PCDHGB4: variants seen among roughly 807,000 people sequenced by gnomAD.
The protein encoded by PCDHGB4 is protocadherin gamma subfamily B, 4.
A neutral mutation model predicts 60.5 loss-of-function variants in PCDHGB4; 38 were observed. That is an observed-to-expected ratio of 0.63 (90% confidence interval 0.48 to 0.82). PCDHGB4 has a LOEUF of 0.82. PCDHGB4 is among the 40% of genes least tolerant of loss of function. The pLI is 0.00. For missense variants in PCDHGB4, 1,109 were observed against 1,209.6 expected (o/e 0.92, Z 1.23); for synonymous variants, 456 against 509.7 (o/e 0.89, Z 1.42).
chr5:141,500,574 G>A (rs2099801457), intron 2 of PCDHGB4, among the ~76,000 whole-genome samples: 1 of 152,164 alleles, frequency 6.6e-6, no homozygotes, highest in African/African-American at 2.4e-5. Context: ...ACACTTTCAT[G>A]TGACACTTTA....
chr5:141,430,881 A>G, intron 1 of PCDHGB4: 4 of 1,600,896 alleles, frequency 2.5e-6, no homozygotes, highest in Non-Finnish European at 3.4e-6. Flanking sequence ...GAGCTGGAGA[A>G]AGGCTCTAGG....
In PCDHGB4 at chr5:141,405,165, C is replaced by G. The variant is rs745998723; in HGVS notation, c.2397+14884C>G. 1.9e-6 allele frequency: 3 copies of G among 1,613,978 alleles called. No individual in the cohort carries two copies. In the South Asian group the frequency reaches 3.3e-5, roughly 18 times the overall value. On this transcript the variant is annotated intron_variant, in intron 1 of 3. Transcript: ENST00000519479. Reference sequence around the variant, plus strand: ...GATGGGTTGGCTGGTGTGCCCACCTCACACTTTGTGGGTGTAGATGGGGTT... The same window carrying G: ...GATGGGTTGGCTGGTGTGCCCACCTGACACTTTGTGGGTGTAGATGGGGTT...
In PCDHGB4 at chr5:141,485,985, T is replaced by C. The variant is rs748867624; in HGVS notation, c.2398-8822T>C. 5.6e-6 allele frequency: 9 copies of C among 1,614,086 alleles called. No homozygotes were observed. Among genetic ancestry groups the C allele is most frequent in the South Asian group, 5.5e-5 (5 of 91,094 alleles). On this transcript the variant is annotated intron_variant, in intron 1 of 3. Coordinates refer to ENST00000519479, the MANE Select transcript of PCDHGB4 (RefSeq NM_003736.4). The surrounding 1 kb of genome is among the most constrained non-coding windows in gnomAD (Gnocchi z 5.7). ...CAGCTCAATGCCTCAGACCCGGACC[T>C]GGGTCCCAGTGGTAACGTCACCTTT...
chr5:141,479,651 C>A (rs56818742), intron 1 of PCDHGB4: 43,954 of 152,194 alleles, frequency 0.29, 6,853 homozygotes, highest in African/African-American at 0.41. Flanking sequence ...ACAACAACAA[C>A]AATCCCAGAA....
intron 1 of PCDHGB4, among the ~76,000 whole-genome samples, chr5:141,460,763 T>A (rs904048213): frequency 4.6e-5 from 7 of 152,170 alleles, no homozygotes; most frequent in Admixed American, 1.3e-4. Context: ...ATATACATAT[T>A]GCATATGTAT....
At chr5:141,414,274 G>A (rs762803658) in intron 1 of PCDHGB4, 23 of 1,613,368 alleles carry the variant, frequency 1.4e-5, no homozygotes, top group Non-Finnish European at 1.9e-5. Flanking sequence ...TTCACCTCTG[G>A]GAACAGTCGT....
chr5:141,487,633 T>C lies in PCDHGB4; in HGVS notation c.2398-7174T>C. On this transcript the variant is annotated intron_variant, in intron 1 of 3. Transcript: ENST00000519479. The surrounding 1 kb of genome is among the most constrained non-coding windows in gnomAD (Gnocchi z 5.0). ...GGCTAGAGGTGAGACCTTTGCAGGCTCAACAAATGCTTGAGGGTTATTCTG... is the reference window on the plus strand; with the variant it reads ...GGCTAGAGGTGAGACCTTTGCAGGCCCAACAAATGCTTGAGGGTTATTCTG... 3 of 1,614,164 alleles carry C rather than the reference T, an allele frequency of 1.9e-6. No individual in the cohort carries two copies. The highest frequency in any genetic ancestry group is 2.7e-5 in the African/African-American group (2 of 75,052).
rs1405490200 is a variant in PCDHGB4 at position 141,388,503 on chromosome 5, TC to T, written c.621del (p.Tyr208ThrfsTer3). ...KTPLDREKQK[S>X]YHLTLTALDF... ...ACCTTTGGACAGAGAAAAGCAGAAA[TC>T]CTACCACTTGACTTTGACTGCCTTG... On this transcript the variant is annotated frameshift_variant, in exon 1 of 4. Transcript: ENST00000519479. LOFTEE classifies it high-confidence loss of function. 1 of 1,613,782 alleles carries T rather than the reference TC, an allele frequency of 6.2e-7. No individual in the cohort carries two copies. Among genetic ancestry groups the T allele is most frequent in the Admixed American group, 1.7e-5 (1 of 60,012 alleles).
chr5:141,436,095 GA>G (rs2097795730), intron 1 of PCDHGB4, among the ~76,000 whole-genome samples: 2 of 152,112 alleles, frequency 1.3e-5, no homozygotes, highest in Non-Finnish European at 2.9e-5. Context: ...AATATTGAGA[GA>G]AATAGAGGAC....
rs755270981 is a variant in PCDHGB4, at chr5:141,408,462, AGAACC to A, written c.2397+18185_2397+18189del. On this transcript the variant is annotated intron_variant, in intron 1 of 3. Coordinates refer to ENST00000519479, the MANE Select transcript of PCDHGB4 (RefSeq NM_003736.4). Reference sequence around the variant, plus strand: ...GCGGAGAGCGGGGACTTACTTGTGAAGAACCGAATAGACCGTGAGCAAATATGCAA... The same window carrying A: ...GCGGAGAGCGGGGACTTACTTGTGAAGAATAGACCGTGAGCAAATATGCAA... 2.2e-5 allele frequency: 35 copies of A among 1,613,962 alleles called. No homozygotes were observed. The South Asian group carries it at 3.3e-4, about 15-fold the overall frequency.
In PCDHGB4 at chr5:141,511,406, G is replaced by C; in HGVS notation, c.*233G>C. The C allele has an allele frequency of 1.1e-6, 1 of 942,018 alleles. No individual in the cohort carries two copies. The highest frequency in any genetic ancestry group is 1.7e-5 in the African/African-American group (1 of 60,280). The allele number at this position is 942,018 out of a possible 1,614,324, so 58.4% of individuals were successfully genotyped here. ...GCTGGGAACCCCCATCCAATCAACT[G>C]CTGTACCCATGGGGGTAGTGGGGTT... On this transcript the variant is annotated 3_prime_UTR_variant, in exon 4 of 4. Coordinates refer to ENST00000519479, the MANE Select transcript of PCDHGB4 (RefSeq NM_003736.4).
chr5:141,394,374 G>C, intron 1 of PCDHGB4: 6 of 1,614,172 alleles, frequency 3.7e-6, no homozygotes, highest in Non-Finnish European at 5.1e-6. Context: ...GCAATCTTTC[G>C]ACTATGAGCA....
At chr5:141,445,420 T>C (rs968387442) in intron 1 of PCDHGB4, among the ~76,000 whole-genome samples, 3 of 152,204 alleles carry the variant, frequency 2.0e-5, no homozygotes, top group Admixed American at 6.5e-5. Context: ...GTCTGCTATA[T>C]GCAAGGCACT....
Position 141,414,991 on chromosome 5 carries a change from G to A in PCDHGB4, c.2397+24710G>A, listed in dbSNP as rs1162432290. ...GGTGGACAGAGACTCCGGCCAGAAC[G>A]CCTGGCTGTCCTACCGTCTGCTCAA... On this transcript the variant is annotated intron_variant, in intron 1 of 3. Transcript: ENST00000519479. 10 of 1,613,648 alleles carry A rather than the reference G, an allele frequency of 6.2e-6. No homozygotes were observed. The Admixed American group carries it at 1.2e-4, about 19-fold the overall frequency.
chr5:141,399,720 C>A, intron 1 of PCDHGB4: 1 of 1,613,306 alleles, frequency 6.2e-7, no homozygotes, highest in Non-Finnish European at 8.5e-7. Context: ...TACAGGCCCG[C>A]GACCAGGGCT....
intron 1 of PCDHGB4, chr5:141,409,009 G>A (rs1189849996): frequency 6.2e-7 from 1 of 1,613,994 alleles, no homozygotes. Context: ...CCACTGACCA[G>A]GATGAGGGGG....
intron 1 of PCDHGB4, among the ~76,000 whole-genome samples, chr5:141,470,572 A>G (rs1349952470): frequency 6.6e-6 from 1 of 152,208 alleles, no homozygotes; most frequent in Non-Finnish European, 1.5e-5. Flanking sequence ...GCCAAGCAGG[A>G]TCAACTTCAT....
chr5:141,410,489 G>A, intron 1 of PCDHGB4: 3 of 1,613,972 alleles, frequency 1.9e-6, no homozygotes, highest in Non-Finnish European at 1.7e-6. Context: ...GGGTACAAAA[G>A]AGTTTAATTT....
chr5:141,402,915 C>G (rs1232523303), intron 1 of PCDHGB4: 2 of 1,564,688 alleles, frequency 1.3e-6, no homozygotes, highest in Admixed American at 1.9e-5. Flanking sequence ...GCAGCGCGCA[C>G]AGAGATCCTT....
Sources: gnomAD v4.1 joint callset for allele counts (sites outside exome capture counted in the v4.1 genomes callset) on GRCh38, gnomAD v4.1.1 for gene constraint, Gnocchi (gnomAD v3.1) non-coding constraint, MANE v1.5 for transcripts, NCBI Gene and HGNC (gene_info 2026-07-23, HGNC 2026-07-21) for gene names.